Variants in USH2A observed in about 807,000 individuals in gnomAD.
USH2A encodes the protein usherin.
In USH2A, 443 loss-of-function variants were observed where a neutral mutation model predicts 538.9. That is an observed-to-expected ratio of 0.82 (90% CI 0.76 to 0.89). The LOEUF is 0.89. USH2A is among the 40% of genes least tolerant of loss of function. USH2A has a pLI of 0.00. For missense variants in USH2A, 6,633 were observed against 6,324.8 expected (o/e 1.05, Z -1.65); for synonymous variants, 2,413 against 2,273.5 (o/e 1.06, Z -1.75).
At chr1:215,883,312 TA>T (rs1664966354) in intron 41 of USH2A, among the ~76,000 whole-genome samples, 1 of 152,172 alleles carries the variant, frequency 6.6e-6, no homozygotes, top group African/African-American at 2.4e-5. Flanking sequence ...TTGTCTGTAG[TA>T]TGTGTTACAG....
chr1:216,185,627 T>C (rs550290093), intron 20 of USH2A, among the ~76,000 whole-genome samples: 2 of 152,032 alleles, frequency 1.3e-5, no homozygotes, highest in African/African-American at 4.8e-5. Flanking sequence ...TGGAATAATA[T>C]ATACTCTCCA....
chr1:216,228,099 T>C (rs192753148), intron 14 of USH2A, among the ~76,000 whole-genome samples: 93 of 152,234 alleles, frequency 6.1e-4, no homozygotes, highest in African/African-American at 2.2e-3. Context: ...AAGGAGCAGG[T>C]TATGTGAGGC....
At chr1:216,353,561 G>A (rs773468037) in intron 4 of USH2A, among the ~76,000 whole-genome samples, 10 of 152,034 alleles carry the variant, frequency 6.6e-5, no homozygotes, top group Non-Finnish European at 1.2e-4. Flanking sequence ...TTAAAACGTC[G>A]ATGCCTGAAT....
intron 4 of USH2A, among the ~76,000 whole-genome samples, chr1:216,357,876 G>T (rs944031813): frequency 3.9e-5 from 6 of 152,078 alleles, no homozygotes; most frequent in Non-Finnish European, 5.9e-5. Flanking sequence ...AGTGCTCCAG[G>T]TTATATACCC....
rs571028671 is a variant in USH2A, at chr1:215,803,881, C to A, written c.9740-4756G>T. Among the ~76,000 whole-genome samples, 556 of 152,254 alleles carry A rather than the reference C, an allele frequency of 3.7e-3. 3 individuals are homozygous for A. Among genetic ancestry groups the A allele is most frequent in the African/African-American group, 0.013 (528 of 41,556 alleles). On this transcript the variant is annotated intron_variant, in intron 49 of 71. Transcript: ENST00000307340. ...AGGCATCACGCTACCTGACTTCAAA[C>A]TAGACTACAAGGCTACAGTAACCAA...
At chr1:215,832,765 A>T (rs1341371074) in intron 47 of USH2A, among the ~76,000 whole-genome samples, 1 of 151,878 alleles carries the variant, frequency 6.6e-6, no homozygotes, top group East Asian at 1.9e-4. Flanking sequence ...AATAAAAGAC[A>T]TACTGATTGG....
intron 3 of USH2A, among the ~76,000 whole-genome samples, chr1:216,413,309 A>G (rs367749105): frequency 7.9e-5 from 12 of 152,142 alleles, no homozygotes; most frequent in African/African-American, 2.6e-4. Flanking sequence ...TCCTATGACA[A>G]TTCTATGCCA....
intron 36 of USH2A, among the ~76,000 whole-genome samples, chr1:215,970,249 G>A (rs1420483265): frequency 1.3e-5 from 2 of 152,002 alleles, no homozygotes; most frequent in African/African-American, 4.8e-5. Context: ...TGGCACTTAT[G>A]GACTTTCAAT....
At chr1:216,149,988 G>C (rs2033800738) in intron 21 of USH2A, among the ~76,000 whole-genome samples, 2 of 152,012 alleles carry the variant, frequency 1.3e-5, no homozygotes, top group African/African-American at 2.4e-5. Flanking sequence ...TCGTATTTCT[G>C]AAGAACAGTA....
At chr1:216,062,239 A>G (rs1213462533) in intron 30 of USH2A, among the ~76,000 whole-genome samples, 1 of 152,214 alleles carries the variant, frequency 6.6e-6, no homozygotes, top group East Asian at 1.9e-4. Context: ...ATCTAAAATA[A>G]CTTGGAATCC....
intron 55 of USH2A, among the ~76,000 whole-genome samples, chr1:215,774,951 C>T (rs1571674103): frequency 1.5e-5 from 2 of 135,148 alleles, no homozygotes; most frequent in African/African-American, 5.6e-5. Context: ...TTTAGTTGTT[C>T]TCAGAGTTGA....
intron 29 of USH2A, 37 bp downstream of exon 29, chr1:216,072,852 T>C (rs1323888097): frequency 6.5e-7 from 1 of 1,537,742 alleles, no homozygotes; most frequent in Non-Finnish European, 9.0e-7. Context: ...CATGCATGTG[T>C]GTGTGTGCAC....
intron 4 of USH2A, among the ~76,000 whole-genome samples, chr1:216,332,145 G>A (rs1261517979): frequency 6.6e-6 from 1 of 152,076 alleles, no homozygotes; most frequent in Non-Finnish European, 1.5e-5. Context: ...ATCAGAATGG[G>A]AGTGGAGCTG....
At chr1:215,686,091 A>C (rs1658416196) in intron 61 of USH2A, among the ~76,000 whole-genome samples, 1 of 152,152 alleles carries the variant, frequency 6.6e-6, no homozygotes, top group Non-Finnish European at 1.5e-5. Flanking sequence ...GCAGTTTCTC[A>C]GCAGCTGGTT....
Position 215,882,552 on chromosome 1 carries a change from A to G in USH2A, c.8224-3454T>C, listed in dbSNP as rs138648651. Among the ~76,000 whole-genome samples, 428 of 152,316 alleles carry G rather than the reference A, an allele frequency of 2.8e-3. 1 individual carries two copies. Among genetic ancestry groups the G allele is most frequent in the Non-Finnish European group, 4.9e-3 (336 of 68,012 alleles). Reference sequence around the variant, plus strand: ...GTACAAATATATAAATACAAGAAACATTAATTGTGGCTCTGTTTTATTTCA... The same window carrying G: ...GTACAAATATATAAATACAAGAAACGTTAATTGTGGCTCTGTTTTATTTCA... On this transcript the variant is annotated intron_variant, in intron 41 of 71. Transcript: ENST00000307340.
chr1:216,129,697 G>A (rs1385024453), intron 21 of USH2A, among the ~76,000 whole-genome samples: 3 of 151,186 alleles, frequency 2.0e-5, no homozygotes, highest in South Asian at 2.1e-4. Context: ...TATAAAAATC[G>A]AAAAAAAATC....
At chr1:216,369,860 T>A (rs1003458260) in intron 3 of USH2A, among the ~76,000 whole-genome samples, 1 of 149,660 alleles carries the variant, frequency 6.7e-6, no homozygotes, top group Admixed American at 6.7e-5. Context: ...GAGGCAGAGG[T>A]TGCAGTGAGC....
chr1:216,175,596 G>A (rs1268331342), intron 20 of USH2A, 114 bp from the exon 21 acceptor site: 1 of 1,035,354 alleles, frequency 9.7e-7, no homozygotes. Context: ...AATCAAATCA[G>A]TTGTGGTTTC....
intron 70 of USH2A, chr1:215,630,062 T>C: frequency 2.0e-6 from 1 of 510,760 alleles, no homozygotes; most frequent in Admixed American, 2.0e-5. Context: ...AGTAGAGTTT[T>C]CACTCATGTT....
Sources: allele counts gnomAD v4.1 joint callset (sites outside exome capture counted in the v4.1 genomes callset), GRCh38; gene constraint gnomAD v4.1.1; transcripts MANE v1.5; gene names NCBI Gene and HGNC (gene_info 2026-07-23, HGNC 2026-07-21).